Variants in ARHGAP26 observed in about 807,000 individuals in gnomAD.
ARHGAP26 encodes Rho GTPase activating protein 26.
Under a neutral mutation model 104.8 loss-of-function variants are expected in ARHGAP26, and 38 were observed. That is an observed-to-expected ratio of 0.36 (90% CI 0.28 to 0.48). The LOEUF (loss-of-function observed/expected upper bound fraction) is 0.48, where lower values mean the gene tolerates loss of function less well. Among genes scored for constraint, ARHGAP26 ranks in the 20% least tolerant of loss-of-function variants. The pLI is 0.99. For missense variants in ARHGAP26, 704 were observed against 947.9 expected (o/e 0.74, Z 3.38); for synonymous variants, 341 against 340.0 (o/e 1.00, Z -0.03).
chr5:142,935,636 T>C (rs1765301119), intron 11 of ARHGAP26, among the ~76,000 whole-genome samples: 1 of 152,184 alleles, frequency 6.6e-6, no homozygotes, highest in Non-Finnish European at 1.5e-5. Context: ...AACTACTTGG[T>C]CCAGAGGCTA....
chr5:143,208,482 A>G (rs1484828315), intron 21 of ARHGAP26, among the ~76,000 whole-genome samples: 2 of 152,230 alleles, frequency 1.3e-5, no homozygotes, highest in African/African-American at 2.4e-5. Context: ...ACAGATACAT[A>G]TATTACTTTA....
intron 19 of ARHGAP26, among the ~76,000 whole-genome samples, chr5:143,136,733 G>A (rs370870939): frequency 6.6e-5 from 10 of 152,140 alleles, no homozygotes; most frequent in Admixed American, 3.9e-4. Context: ...TGTCGGGTGA[G>A]CAGATGATAA....
intron 12 of ARHGAP26, among the ~76,000 whole-genome samples, chr5:143,029,071 C>G (rs749333585): frequency 1.7e-4 from 26 of 152,124 alleles, no homozygotes; most frequent in Non-Finnish European, 3.2e-4. Flanking sequence ...GCCCTGGCAA[C>G]CCTGGGGCTT....
chr5:142,896,020 A>G (rs1759432273), intron 6 of ARHGAP26, among the ~76,000 whole-genome samples: 1 of 152,146 alleles, frequency 6.6e-6, no homozygotes, highest in South Asian at 2.1e-4. Flanking sequence ...GTTTCAGTCA[A>G]GGTCCCAAGT....
At chr5:143,108,627 G>A (rs1462945711) in intron 17 of ARHGAP26, among the ~76,000 whole-genome samples, 3 of 151,964 alleles carry the variant, frequency 2.0e-5, no homozygotes, top group Non-Finnish European at 4.4e-5. Context: ...TTGCTTTTTG[G>A]GGTGAAAGTA....
At chr5:143,114,725 G>C (rs3776306) in intron 17 of ARHGAP26, among the ~76,000 whole-genome samples, 116,593 of 152,112 alleles carry the variant, frequency 0.77, 48,004 homozygotes, top group Non-Finnish European at 0.92. Flanking sequence ...TGCATTCCAA[G>C]GTCATGATCC....
chr5:142,870,878 T>C (rs1433991443), intron 1 of ARHGAP26, among the ~76,000 whole-genome samples: 1 of 152,138 alleles, frequency 6.6e-6, no homozygotes, highest in Non-Finnish European at 1.5e-5. Flanking sequence ...AGAATGCAAG[T>C]GGAGAAGGGA....
chr5:143,077,756 T>C (rs1467801241), intron 17 of ARHGAP26, among the ~76,000 whole-genome samples: 1 of 152,204 alleles, frequency 6.6e-6, no homozygotes, highest in Non-Finnish European at 1.5e-5. Flanking sequence ...AAAAGTAAAC[T>C]GTGCAATCAA....
At chr5:143,124,086 C>T (rs1407775629) in intron 18 of ARHGAP26, among the ~76,000 whole-genome samples, 1 of 152,214 alleles carries the variant, frequency 6.6e-6, no homozygotes, top group Non-Finnish European at 1.5e-5. Context: ...CCAGCAGCAC[C>T]TTTTCATGTG....
In ARHGAP26 at chr5:143,134,093, T is replaced by G; in HGVS notation, c.1825T>G (p.Ser609Ala). 6.2e-7 allele frequency: 1 copy of G among 1,610,090 alleles called. No homozygotes were observed. The highest frequency in any genetic ancestry group is 8.5e-7 in the Non-Finnish European group (1 of 1,177,872). ...RPLTLFHTVQ[S>A]TEKQEQRNSI... ...CCTGACGCTCTTCCACACCGTTCAG[T>G]CAACAGAGAAACGTGAGTCTTTGCT... The change falls in exon 19 of 23, where the codon TCA (serine) becomes GCA (alanine). Residue 609 changes from serine to alanine, a missense_variant. By Grantham distance (99) the Ser-to-Ala change is moderately conservative. Transcript: ENST00000645722.
chr5:142,885,264 CTCTTTT>C, intron 4 of ARHGAP26, 28 bp from the exon 5 acceptor site: 5 of 1,578,890 alleles, frequency 3.2e-6, no homozygotes, highest in Non-Finnish European at 4.3e-6. Context: ...CAACGTGTTA[CTCTTTT>C]TCTTTTTCTC....
At chr5:142,825,620 C>T (rs1361069147) in intron 1 of ARHGAP26, among the ~76,000 whole-genome samples, 1 of 152,206 alleles carries the variant, frequency 6.6e-6, no homozygotes, top group Non-Finnish European at 1.5e-5. Context: ...TATTATTTTT[C>T]TATTGTAATT....
intron 6 of ARHGAP26, among the ~76,000 whole-genome samples, chr5:142,898,562 T>A (rs969402319): frequency 6.6e-6 from 1 of 152,190 alleles, no homozygotes; most frequent in Non-Finnish European, 1.5e-5. Flanking sequence ...GCCTTGGGCC[T>A]CCCCGTTCTC....
intron 19 of ARHGAP26, 39 bp from the exon 20 acceptor site, chr5:143,147,192 A>G: frequency 6.2e-7 from 1 of 1,605,280 alleles, no homozygotes; most frequent in South Asian, 1.1e-5. Context: ...GTCCCTATGC[A>G]ATAATATTAA....
intron 12 of ARHGAP26, among the ~76,000 whole-genome samples, chr5:143,036,057 C>T (rs371120016): frequency 6.6e-6 from 1 of 151,838 alleles, no homozygotes. Flanking sequence ...CCCATATACG[C>T]TAAGAATTAA....
chr5:143,054,095 CTT>C (rs1785444402), intron 14 of ARHGAP26, among the ~76,000 whole-genome samples: 1 of 152,096 alleles, frequency 6.6e-6, no homozygotes, highest in African/African-American at 2.4e-5. Flanking sequence ...CGTGCCTTAT[CTT>C]ATTTTCTGAG....
intron 11 of ARHGAP26, among the ~76,000 whole-genome samples, chr5:142,999,629 AT>A (rs779359751): frequency 8.5e-5 from 13 of 152,196 alleles, no homozygotes; most frequent in Non-Finnish European, 1.9e-4. Context: ...GGTTAAAAAA[AT>A]ATCAAGGTAG....
chr5:142,857,840 C>A (rs1028376604), intron 1 of ARHGAP26, among the ~76,000 whole-genome samples: 2 of 152,114 alleles, frequency 1.3e-5, no homozygotes, highest in Admixed American at 6.6e-5. Flanking sequence ...ATATTACCTG[C>A]AGTGTCTTTC....
chr5:143,022,035 G>A (rs1366341741), intron 12 of ARHGAP26, among the ~76,000 whole-genome samples: 4 of 152,080 alleles, frequency 2.6e-5, no homozygotes, highest in African/African-American at 9.7e-5. Flanking sequence ...GATGTGTATT[G>A]TGGGGGAACA....
Sources: allele counts gnomAD v4.1 joint callset (sites outside exome capture counted in the v4.1 genomes callset), GRCh38; gene constraint gnomAD v4.1.1; transcripts MANE v1.5; gene names NCBI Gene and HGNC (gene_info 2026-07-23, HGNC 2026-07-21).